The following BLTP3B variants were observed in gnomAD, a reference collection of about 807,000 sequenced individuals.
BLTP3B encodes UHRF1 (ICBP90) binding protein 1-like.
the BLTP3B span, among the ~76,000 whole-genome samples, chr12:100,140,729 A>AAAAAAATAT: frequency 8.1e-5 from 5 of 61,502 alleles, no homozygotes; most frequent in African/African-American, 2.0e-4. Flanking sequence ...AAAAAAAAAA[A>AAAAAAATAT]ATATATATAT....
At chr12:100,077,237 T>C in the BLTP3B span, among the ~76,000 whole-genome samples, 1 of 152,310 alleles carries the variant, frequency 6.6e-6, no homozygotes, top group Middle Eastern at 3.4e-3. Context: ...ACAAATACCA[T>C]TGTGTTATAA....
the BLTP3B span, among the ~76,000 whole-genome samples, chr12:100,135,665 T>C: frequency 1.1e-4 from 16 of 152,332 alleles, no homozygotes; most frequent in East Asian, 2.9e-3. Context: ...TTTCCCTATG[T>C]TACTTTTTCA....
the BLTP3B span, among the ~76,000 whole-genome samples, chr12:100,048,771 A>AGTGTGT: frequency 0.011 from 1,257 of 114,984 alleles, 12 homozygotes; most frequent in East Asian, 0.022. Flanking sequence ...AGTGAGAGTG[A>AGTGTGT]GTGTGTGTGT....
chr12:100,054,196 T>C, the BLTP3B span, among the ~76,000 whole-genome samples: 1 of 152,192 alleles, frequency 6.6e-6, no homozygotes, highest in African/African-American at 2.4e-5. Flanking sequence ...TACATTCTTA[T>C]GACAATTTTA....
the BLTP3B span, among the ~76,000 whole-genome samples, chr12:100,079,146 A>G: frequency 2.0e-5 from 3 of 152,208 alleles, no homozygotes; most frequent in Admixed American, 2.0e-4. Context: ...CGACTAATAC[A>G]GTAAATTGGT....
chr12:100,079,940 G>A, the BLTP3B span, among the ~76,000 whole-genome samples: 1 of 152,212 alleles, frequency 6.6e-6, no homozygotes, highest in African/African-American at 2.4e-5. Context: ...CCCCAACCCT[G>A]GCAGCTTCCA....
the BLTP3B span, among the ~76,000 whole-genome samples, chr12:100,064,744 A>C: frequency 6.6e-6 from 1 of 152,158 alleles, no homozygotes; most frequent in East Asian, 1.9e-4. Flanking sequence ...ATGCTGAGAC[A>C]ATTTACCACT....
chr12:100,081,948 A>G, the BLTP3B span, among the ~76,000 whole-genome samples: 1 of 152,196 alleles, frequency 6.6e-6, no homozygotes, highest in African/African-American at 2.4e-5. Flanking sequence ...TTGCTGGGTC[A>G]ATTGGTAGTT....
the BLTP3B span, among the ~76,000 whole-genome samples, chr12:100,140,704 C>CAAAAA: frequency 1.5e-3 from 51 of 33,756 alleles, no homozygotes; most frequent in Admixed American, 2.7e-3. Flanking sequence ...GACTCTGTCT[C>CAAAAA]AAAAAAAAAA....
At chr12:100,105,889 A>G in the BLTP3B span, among the ~76,000 whole-genome samples, 2 of 152,174 alleles carry the variant, frequency 1.3e-5, no homozygotes, top group Non-Finnish European at 2.9e-5. Context: ...TTAAAAAGTG[A>G]GCAAGGACAT....
At chr12:100,070,294 T>A in the BLTP3B span, 1 of 1,182,970 alleles carries the variant, frequency 8.5e-7, no homozygotes, top group Non-Finnish European at 1.1e-6. Context: ...TAATTAATTT[T>A]TTTTTTTTTG....
the BLTP3B span, among the ~76,000 whole-genome samples, chr12:100,072,377 T>C: frequency 6.6e-6 from 1 of 152,006 alleles, no homozygotes; most frequent in Non-Finnish European, 1.5e-5. Context: ...TCTAAAACTG[T>C]TAGACTAGAC....
chr12:100,065,197 C>G, the BLTP3B span, among the ~76,000 whole-genome samples: 1 of 151,840 alleles, frequency 6.6e-6, no homozygotes, highest in East Asian at 1.9e-4. Context: ...CTGTTATCTT[C>G]GTAAATTGAG....
the BLTP3B span, among the ~76,000 whole-genome samples, chr12:100,142,439 C>T: frequency 6.6e-6 from 1 of 152,152 alleles, no homozygotes; most frequent in African/African-American, 2.4e-5. Flanking sequence ...ACAAGAGATC[C>T]GGGGCCGCGA....
chr12:100,049,151 T>C, the BLTP3B span, among the ~76,000 whole-genome samples: 1 of 152,036 alleles, frequency 6.6e-6, no homozygotes, highest in South Asian at 2.1e-4. Flanking sequence ...TAACCCAAAA[T>C]GCATTATTTA....
the BLTP3B span, among the ~76,000 whole-genome samples, chr12:100,130,335 A>C: frequency 6.6e-6 from 1 of 152,172 alleles, no homozygotes; most frequent in African/African-American, 2.4e-5. Flanking sequence ...TTAAGGTTGC[A>C]TAGCGTTTTG....
At chr12:100,091,824 T>C in the BLTP3B span, among the ~76,000 whole-genome samples, 1 of 150,630 alleles carries the variant, frequency 6.6e-6, no homozygotes, top group Non-Finnish European at 1.5e-5. Flanking sequence ...TTTTTTTTTT[T>C]AGACAGAGTC....
At chr12:100,087,259 A>T in the BLTP3B span, among the ~76,000 whole-genome samples, 1 of 152,160 alleles carries the variant, frequency 6.6e-6, no homozygotes, top group Non-Finnish European at 1.5e-5. Flanking sequence ...AGTAGATTAC[A>T]AATTGGTATA....
chr12:100,062,353 G>C, the BLTP3B span, among the ~76,000 whole-genome samples: 1 of 152,126 alleles, frequency 6.6e-6, no homozygotes, highest in South Asian at 2.1e-4. Context: ...ATGGTAAAAC[G>C]AAAGTTAAGA....
Sources: gnomAD v4.1 joint callset for allele counts (sites outside exome capture counted in the v4.1 genomes callset) on GRCh38, gnomAD v4.1.1 for gene constraint, MANE v1.5 for transcripts, NCBI Gene and HGNC (gene_info 2026-07-23, HGNC 2026-07-21) for gene names.